The following TMEM39A variants were observed in gnomAD, a reference collection of about 807,000 sequenced individuals.
TMEM39A encodes transmembrane protein 39A.
A neutral mutation model predicts 51.9 loss-of-function variants in TMEM39A; 19 were observed. The observed-to-expected ratio is 0.37, with a 90% confidence interval of 0.26 to 0.54. The LOEUF is 0.54. Ranked by LOEUF, TMEM39A falls within the 20% of genes least tolerant of loss-of-function variation. The pLI, the probability that TMEM39A is intolerant of heterozygous loss-of-function variation, is 0.88. For missense variants in TMEM39A, 433 were observed against 590.5 expected, an observed-to-expected ratio of 0.73 and a Z score of 2.76; for synonymous variants, 197 against 220.2, an observed-to-expected ratio of 0.89 and a Z score of 0.93.
At chr3:119,442,660 T>A (rs1376311265) in intron 5 of TMEM39A, among the ~76,000 whole-genome samples, 1 of 152,206 alleles carries the variant, frequency 6.6e-6, no homozygotes, top group Non-Finnish European at 1.5e-5. Flanking sequence ...CGAGCAAATG[T>A]GGAGGAAGTT....
intron 8 of TMEM39A, among the ~76,000 whole-genome samples, chr3:119,432,438 CT>C (rs1159118398): frequency 6.6e-6 from 1 of 151,886 alleles, no homozygotes; most frequent in Non-Finnish European, 1.5e-5. Flanking sequence ...TTCAATGCCC[CT>C]GAGACACGAA....
intron 1 of TMEM39A, 141 bp downstream of exon 1, chr3:119,463,195 T>G (rs541498794): frequency 5.8e-6 from 1 of 171,778 alleles, no homozygotes; most frequent in African/African-American, 2.4e-5. Flanking sequence ...TGTGGTGGAC[T>G]GCAGGAGACC....
In TMEM39A at chr3:119,462,748, G is replaced by C. The variant is rs1019503544; in HGVS notation, c.-75+588C>G. On this transcript the variant is annotated intron_variant, in intron 1 of 8. Transcript: ENST00000319172. Reference sequence around the variant, plus strand: ...TAACAGTTTAAAAGTAAAACTGTTCGAGTGGTATCTCTATATGTTAGGGTT... The same window carrying C: ...TAACAGTTTAAAAGTAAAACTGTTCCAGTGGTATCTCTATATGTTAGGGTT... Among the ~76,000 whole-genome samples the C allele has an allele frequency of 6.7e-5, 10 of 149,530 alleles. 3 individuals are homozygous for C. The highest frequency in any genetic ancestry group is 6.1e-4 in the Admixed American group (9 of 14,732).
At chr3:119,438,281 C>A (rs2081002199) in intron 5 of TMEM39A, among the ~76,000 whole-genome samples, 178 bp from the exon 6 acceptor site, 1 of 152,182 alleles carries the variant, frequency 6.6e-6, no homozygotes, top group Non-Finnish European at 1.5e-5. Context: ...TCTTCAATTT[C>A]TTTCCATAAG....
At chr3:119,435,420 C>CGAT (rs931907943) in intron 7 of TMEM39A, 1 of 981,570 alleles carries the variant, frequency 1.0e-6, no homozygotes, top group African/African-American at 1.8e-5. Context: ...TAGAACACAG[C>CGAT]GATACATCTC....
intron 2 of TMEM39A, among the ~76,000 whole-genome samples, chr3:119,460,419 C>A (rs780406976): frequency 5.3e-5 from 8 of 152,116 alleles, no homozygotes; most frequent in Non-Finnish European, 8.8e-5. Context: ...ATGACATTTT[C>A]ATTGGCTTTC....
chr3:119,461,647 T>C (rs1230178166), intron 2 of TMEM39A, among the ~76,000 whole-genome samples: 1 of 151,348 alleles, frequency 6.6e-6, no homozygotes, highest in African/African-American at 2.4e-5. Flanking sequence ...TGCTTATAAG[T>C]AGATAAACCA....
At chr3:119,456,926 T>C (rs1238914027) in intron 3 of TMEM39A, among the ~76,000 whole-genome samples, 1 of 151,262 alleles carries the variant, frequency 6.6e-6, no homozygotes, top group Non-Finnish European at 1.5e-5. Flanking sequence ...TTTTTTTATA[T>C]ACCCATCTAT....
intron 7 of TMEM39A, chr3:119,435,156 A>C (rs1328094793): frequency 1.0e-6 from 1 of 985,354 alleles, no homozygotes; most frequent in Non-Finnish European, 1.2e-6. Flanking sequence ...GAGCAGACAT[A>C]AATGTGTAAG....
chr3:119,439,205 A>C (rs2081016343), intron 5 of TMEM39A, among the ~76,000 whole-genome samples: 1 of 152,230 alleles, frequency 6.6e-6, no homozygotes, highest in Non-Finnish European at 1.5e-5. Flanking sequence ...CTCATTAAGT[A>C]ATTTCCACAT....
At chr3:119,435,294 A>G (rs1441233298) in intron 7 of TMEM39A, 1 of 985,328 alleles carries the variant, frequency 1.0e-6, no homozygotes, top group African/African-American at 1.7e-5. Context: ...TGGAGAAATT[A>G]GCACATTGTC....
At chr3:119,436,082 G>A in intron 7 of TMEM39A, 1 of 505,656 alleles carries the variant, frequency 2.0e-6, no homozygotes, top group South Asian at 1.8e-5. Context: ...GGGGGAAGAT[G>A]AAGATGGTTT....
intron 8 of TMEM39A, among the ~76,000 whole-genome samples, chr3:119,434,203 C>T (rs1303441181): frequency 6.6e-6 from 1 of 152,092 alleles, no homozygotes; most frequent in Non-Finnish European, 1.5e-5. Context: ...AGATCATAAC[C>T]GAAGGCATGA....
At chr3:119,436,572 G>A (rs2080970617) in intron 7 of TMEM39A, 1 of 474,324 alleles carries the variant, frequency 2.1e-6, no homozygotes, top group Non-Finnish European at 3.8e-6. Context: ...TAGAGTGACT[G>A]GGCAGCTGAA....
chr3:119,431,756 G>A lies in TMEM39A; in HGVS notation c.*225C>T. 2.9e-6 allele frequency: 1 copy of A among 346,522 alleles called. No individual in the cohort carries two copies. Among genetic ancestry groups the A allele is most frequent in the Non-Finnish European group, 5.2e-6 (1 of 192,284 alleles). The allele number at this position is 346,522 out of a possible 1,614,324, so 21.5% of individuals were successfully genotyped here. A position where few individuals can be genotyped will look rare whatever the true frequency, so the allele number is the denominator to read the frequency against. ...ATACAAACAAATCAATCTCTTTACT[G>A]GACAGGCATACCTCTCATATGTATA... On this transcript the variant is annotated 3_prime_UTR_variant, in exon 9 of 9. Coordinates refer to ENST00000319172, the MANE Select transcript of TMEM39A (RefSeq NM_018266.3).
intron 3 of TMEM39A, among the ~76,000 whole-genome samples, chr3:119,456,910 C>A (rs1157632666): frequency 2.0e-5 from 3 of 151,190 alleles, no homozygotes; most frequent in African/African-American, 4.9e-5. Context: ...CCAGGCCTTA[C>A]CAATATTTTT....
In TMEM39A at chr3:119,452,438, A is replaced by C; in HGVS notation, c.420+9T>G. The C allele has an allele frequency of 6.2e-7, 1 of 1,610,518 alleles. No individual in the cohort carries two copies. Among genetic ancestry groups the C allele is most frequent in the Non-Finnish European group, 8.5e-7 (1 of 1,177,032 alleles). On this transcript the variant is annotated intron_variant, in intron 4 of 8. Coordinates refer to ENST00000319172, the MANE Select transcript of TMEM39A (RefSeq NM_018266.3). Reference sequence around the variant, plus strand: ...TACATGTGATAGAATATAGTCAATGAACTGTTACCTCTGAGATGAGAGCCC... The same window carrying C: ...TACATGTGATAGAATATAGTCAATGCACTGTTACCTCTGAGATGAGAGCCC...
intron 5 of TMEM39A, among the ~76,000 whole-genome samples, chr3:119,442,911 C>T (rs1191291559): frequency 6.6e-6 from 1 of 151,556 alleles, no homozygotes; most frequent in Non-Finnish European, 1.5e-5. Flanking sequence ...AAACAAAATA[C>T]AAAAATTAGC....
intron 5 of TMEM39A, 132 bp downstream of exon 5, chr3:119,446,886 T>C (rs1353210820): frequency 5.7e-6 from 6 of 1,053,368 alleles, no homozygotes; most frequent in African/African-American, 3.2e-5. Flanking sequence ...ACCATGCTCA[T>C]GGATTTCCCA....
Sources: gnomAD v4.1 joint callset for allele counts (sites outside exome capture counted in the v4.1 genomes callset) on GRCh38, gnomAD v4.1.1 for gene constraint, MANE v1.5 for transcripts, NCBI Gene and HGNC (gene_info 2026-07-23, HGNC 2026-07-21) for gene names.